Variants in METTL25 observed in about 807,000 individuals in gnomAD.
METTL25 encodes the protein methyltransferase like 25.
Under a neutral mutation model 71.6 loss-of-function variants are expected in METTL25, and 64 were observed. The observed-to-expected ratio is 0.89, with a 90% CI of 0.73 to 1.10. The LOEUF is 1.10. METTL25 is among the 50% of genes least tolerant of loss of function. METTL25 has a pLI of 0.00. For missense variants in METTL25, 807 were observed against 707.0 expected, an observed-to-expected ratio of 1.14 and a Z score of -1.60; for synonymous variants, 287 against 250.3, an observed-to-expected ratio of 1.15 and a Z score of -1.38.
chr12:82,468,627 TC>T (rs1892384954), intron 9 of METTL25: 1 of 152,190 alleles, frequency 6.6e-6, no homozygotes, highest in Non-Finnish European at 1.5e-5. Flanking sequence ...TATATTTGGA[TC>T]CTCAGATGAA....
Position 82,399,300 on chromosome 12 carries a change from T to C in METTL25, c.1037T>C (p.Met346Thr), listed in dbSNP as rs746875884. 1.4e-5 allele frequency: 23 copies of C among 1,613,300 alleles called. 2 individuals carry two copies. The South Asian group carries it at 2.5e-4, about 18-fold the overall frequency. Residue 346 changes from methionine (M) to threonine (T), a missense_variant, in exon 4 of 12, where the codon ATG (methionine) becomes ACG (threonine). Transcript: ENST00000248306. The part of the protein sequence containing the change: ...TSEANKERRK[M>T]TSKSSESNIY... The stretch of plus-strand genomic sequence containing the variant: ...GAAGCCAATAAAGAGAGAAGAAAAA[T>C]GACATCAAAGTCAAGTGAATCAAAT...
At chr12:82,402,950 AC>A (rs1446520800) in intron 4 of METTL25, 32 bp from the exon 5 acceptor site, 3 of 1,533,504 alleles carry the variant, frequency 2.0e-6, no homozygotes, top group Non-Finnish European at 2.7e-6. Context: ...CTTTTTAATT[AC>A]CAAATTTTAT....
intron 5 of METTL25, among the ~76,000 whole-genome samples, chr12:82,412,557 C>T (rs757797665): frequency 7.8e-4 from 118 of 152,108 alleles, no homozygotes; most frequent in Non-Finnish European, 1.2e-3. Context: ...TTTTCCATTC[C>T]ACTGGCTTTC....
intron 1 of METTL25, among the ~76,000 whole-genome samples, chr12:82,371,859 A>G (rs942411938): frequency 6.6e-6 from 1 of 152,098 alleles, no homozygotes; most frequent in African/African-American, 2.4e-5. Flanking sequence ...TGAATAATTT[A>G]TGGACTTTTT....
At chr12:82,400,681 A>G (rs1408512005) in intron 4 of METTL25, among the ~76,000 whole-genome samples, 1 of 152,146 alleles carries the variant, frequency 6.6e-6, no homozygotes, top group Admixed American at 6.5e-5. Context: ...AATTCTTTTA[A>G]GAACCATCTA....
intron 5 of METTL25, among the ~76,000 whole-genome samples, chr12:82,414,949 G>A (rs1665283665): frequency 6.6e-6 from 1 of 152,046 alleles, no homozygotes; most frequent in Admixed American, 6.6e-5. Context: ...AACATCATCT[G>A]TAATATTAGT....
chr12:82,441,292 T>TTATATA (rs71068929), intron 8 of METTL25, among the ~76,000 whole-genome samples: 1,520 of 148,380 alleles, frequency 0.01, 11 homozygotes, highest in South Asian at 0.031. Context: ...CACTAACATC[T>TTATATA]TATATATATA....
At chr12:82,417,779 A>G (rs1459488319) in intron 5 of METTL25, among the ~76,000 whole-genome samples, 1 of 152,128 alleles carries the variant, frequency 6.6e-6, no homozygotes, top group Non-Finnish European at 1.5e-5. Flanking sequence ...ATGGAGAAAA[A>G]TAAAGCAATG....
At chr12:82,368,180 C>T (rs1044531229) in intron 1 of METTL25, among the ~76,000 whole-genome samples, 2 of 151,872 alleles carry the variant, frequency 1.3e-5, no homozygotes, top group African/African-American at 4.8e-5. Flanking sequence ...TTGCACAGGG[C>T]ATTTAACTGT....
intron 9 of METTL25, among the ~76,000 whole-genome samples, chr12:82,470,941 C>T (rs1416161071): frequency 1.3e-5 from 2 of 152,050 alleles, no homozygotes; most frequent in African/African-American, 2.4e-5. Context: ...TTGAGTAAAC[C>T]CTGAATAATT....
chr12:82,439,534 G>C (rs924542508), intron 8 of METTL25, among the ~76,000 whole-genome samples: 4 of 151,670 alleles, frequency 2.6e-5, no homozygotes, highest in African/African-American at 7.3e-5. Flanking sequence ...AGATATAAAA[G>C]GGATTTTTAG....
intron 1 of METTL25, among the ~76,000 whole-genome samples, chr12:82,377,887 AG>A (rs1884036533): frequency 6.6e-6 from 1 of 152,250 alleles, no homozygotes; most frequent in African/African-American, 2.4e-5. Flanking sequence ...ATACAATTTT[AG>A]GTGATTCATA....
intron 1 of METTL25, among the ~76,000 whole-genome samples, chr12:82,370,189 G>T (rs1006096894): frequency 2.6e-5 from 4 of 152,156 alleles, no homozygotes; most frequent in Non-Finnish European, 4.4e-5. Context: ...CCAGTGAAAG[G>T]GCCAGCGGGT....
At chr12:82,459,267 T>A (rs1300477037) in intron 9 of METTL25, among the ~76,000 whole-genome samples, 1 of 152,068 alleles carries the variant, frequency 6.6e-6, no homozygotes, top group African/African-American at 2.4e-5. Flanking sequence ...AAGAACAAAC[T>A]GAAAATGTAA....
At chr12:82,362,012 A>T (rs1385052221) in intron 1 of METTL25, among the ~76,000 whole-genome samples, 1 of 152,348 alleles carries the variant, frequency 6.6e-6, no homozygotes, top group Non-Finnish European at 1.5e-5. Flanking sequence ...ACAAGTAAAC[A>T]TAATTCCCAG....
At chr12:82,437,481 C>A (rs1592722516) in intron 7 of METTL25, among the ~76,000 whole-genome samples, 1 of 151,568 alleles carries the variant, frequency 6.6e-6, no homozygotes, top group African/African-American at 2.4e-5. Context: ...AAATGATTGA[C>A]CCTCAGCTCA....
chr12:82,461,589 GC>G (rs1891882529), intron 9 of METTL25, among the ~76,000 whole-genome samples: 1 of 151,908 alleles, frequency 6.6e-6, no homozygotes. Context: ...TCCAAAACTA[GC>G]AATCATCAGG....
chr12:82,363,534 TAAATA>T (rs2136802899), intron 1 of METTL25, among the ~76,000 whole-genome samples: 1 of 152,002 alleles, frequency 6.6e-6, no homozygotes, highest in South Asian at 2.1e-4. Flanking sequence ...AGACAGTGGG[TAAATA>T]AAAAGCAACT....
intron 8 of METTL25, among the ~76,000 whole-genome samples, chr12:82,440,556 A>G (rs567794665): frequency 6.6e-6 from 1 of 152,058 alleles, no homozygotes; most frequent in Admixed American, 6.6e-5. Flanking sequence ...AGATTTGTAC[A>G]TGTTATTTTT....
Sources: allele counts gnomAD v4.1 joint callset (sites outside exome capture counted in the v4.1 genomes callset), GRCh38; gene constraint gnomAD v4.1.1; transcripts MANE v1.5; gene names NCBI Gene and HGNC (gene_info 2026-07-23, HGNC 2026-07-21).